PANK2: variants seen among roughly 807,000 people sequenced by gnomAD.
PANK2 encodes the protein pantothenate kinase 2, mitochondrial.
PANK2 carries 36 observed loss-of-function variants against 43.1 expected under a neutral mutation model. That is an observed-to-expected ratio of 0.84 (90% confidence interval 0.64 to 1.10). The LOEUF (loss-of-function observed/expected upper bound fraction) is 1.10. PANK2 is among the 50% of genes least tolerant of loss of function. The pLI, the probability that PANK2 is intolerant of heterozygous loss-of-function variation, is 0.00. For missense variants in PANK2, 576 were observed against 593.3 expected (o/e 0.97, Z 0.30); for synonymous variants, 281 against 238.2 (o/e 1.18, Z -1.66).
intron 1 of PANK2, among the ~76,000 whole-genome samples, chr20:3,897,503 C>T (rs1294259705): frequency 6.6e-6 from 1 of 151,732 alleles, no homozygotes; most frequent in African/African-American, 2.4e-5. Context: ...GAGTTTGAGA[C>T]CAGTCCGGGC....
At chr20:3,906,674 T>C (rs1290390971) in intron 1 of PANK2, among the ~76,000 whole-genome samples, 1 of 152,160 alleles carries the variant, frequency 6.6e-6, no homozygotes, top group African/African-American at 2.4e-5. Flanking sequence ...AAACAATAAA[T>C]ACTTGAAGTA....
At chr20:3,919,142 C>T (rs1458708761) in intron 6 of PANK2, among the ~76,000 whole-genome samples, 2 of 152,152 alleles carry the variant, frequency 1.3e-5, no homozygotes, top group Non-Finnish European at 2.9e-5. Flanking sequence ...AAACTCCTGA[C>T]CTTAAGTGAT....
At chr20:3,894,651 T>C (rs1439494035) in intron 1 of PANK2, among the ~76,000 whole-genome samples, 2 of 151,988 alleles carry the variant, frequency 1.3e-5, no homozygotes, top group Non-Finnish European at 2.9e-5. Flanking sequence ...GGATTTTGGC[T>C]CACTGCAACC....
At chr20:3,892,351 C>CAA (rs57494672) in intron 1 of PANK2, among the ~76,000 whole-genome samples, 4 of 132,462 alleles carry the variant, frequency 3.0e-5, no homozygotes, top group Non-Finnish European at 4.8e-5. Context: ...AAAAAAAAAA[C>CAA]AAAAAAAAAG....
At chr20:3,901,655 A>G in intron 1 of PANK2, 1 of 937,478 alleles carries the variant, frequency 1.1e-6, no homozygotes, top group Non-Finnish European at 1.3e-6. Flanking sequence ...TTTTTGTAAA[A>G]GTCAGTACTT....
Position 3,927,463 on chromosome 20 carries a change from TCTG to T in PANK2, c.*4174_*4176del, listed in dbSNP as rs984974521. 8 of 152,222 alleles carry T rather than the reference TCTG, an allele frequency of 5.3e-5. No individual in the cohort carries two copies. The highest frequency in any genetic ancestry group is 1.4e-4 in the African/African-American group (6 of 41,462). 9.4% of individuals were successfully genotyped at this position (152,222 alleles called of 1,614,324 possible). On this transcript the variant is annotated 3_prime_UTR_variant, in exon 7 of 7. Transcript: ENST00000610179. ...AAAAACTGCGAATGTTTAAAAATAT[TCTG>T]CTGCAGAATTTTTAGTGTACAAAGA...
intron 1 of PANK2, among the ~76,000 whole-genome samples, chr20:3,896,229 A>ATTTTTTTTTTTTTT (rs35978823): frequency 8.9e-6 from 1 of 111,934 alleles, no homozygotes; most frequent in East Asian, 2.6e-4. Flanking sequence ...CGCCTGGCTA[A>ATTTTTTTTTTTTTT]TTTTTTTTTT....
chr20:3,914,469 C>A (rs1386224194), intron 4 of PANK2, among the ~76,000 whole-genome samples: 1 of 151,894 alleles, frequency 6.6e-6, no homozygotes, highest in East Asian at 1.9e-4. Context: ...CTGTGCACTG[C>A]CTTGCCTAAT....
intron 1 of PANK2, among the ~76,000 whole-genome samples, chr20:3,893,619 A>C (rs2090157720): frequency 6.6e-6 from 1 of 152,206 alleles, no homozygotes; most frequent in African/African-American, 2.4e-5. Context: ...GTAGCATGCC[A>C]GGGAGACCTT....
At chr20:3,888,955 C>A, upstream of PANK2, 3 of 593,084 alleles carry the variant, frequency 5.1e-6, no homozygotes, top group South Asian at 2.7e-5. Context: ...CGGCCAGACG[C>A]TGCGGGAGCA....
chr20:3,911,118 A>C lies in PANK2; in HGVS notation c.905+288A>C, dbSNP rs537420353. On this transcript the variant is annotated intron_variant, in intron 3 of 6. Coordinates refer to ENST00000610179, the MANE Select transcript of PANK2 (RefSeq NM_001386393.1). ...GTGCATACACAAAGTAGCTAAAGTTATTAGGCAGCATCTGTAAGGAGAAGG... is the reference window on the plus strand; with the variant it reads ...GTGCATACACAAAGTAGCTAAAGTTCTTAGGCAGCATCTGTAAGGAGAAGG... Among the ~76,000 whole-genome samples the C allele has an allele frequency of 2.6e-5, 4 of 152,364 alleles. No homozygotes were observed. In the East Asian group the frequency reaches 7.7e-4, roughly 29 times the overall value.
intron 4 of PANK2, among the ~76,000 whole-genome samples, chr20:3,913,979 T>TG (rs953188046): frequency 2.8e-4 from 42 of 151,544 alleles, no homozygotes; most frequent in African/African-American, 1.0e-3. Flanking sequence ...TTAGCAGAGA[T>TG]GGGGTTTCAC....
At chr20:3,912,930 CAAA>C (rs71331078) in intron 4 of PANK2, among the ~76,000 whole-genome samples, 10 of 71,496 alleles carry the variant, frequency 1.4e-4, no homozygotes, top group East Asian at 5.3e-4. Context: ...GACTCTGTCT[CAAA>C]AAAAAAAAAA....
chr20:3,916,065 G>A (rs2090555077), intron 4 of PANK2, among the ~76,000 whole-genome samples: 1 of 152,208 alleles, frequency 6.6e-6, no homozygotes, highest in African/African-American at 2.4e-5. Flanking sequence ...CTAATACAAA[G>A]TCTTCTGATC....
At chr20:3,890,785 A>G (rs986749587) in intron 1 of PANK2, among the ~76,000 whole-genome samples, 1 of 152,158 alleles carries the variant, frequency 6.6e-6, no homozygotes, top group Admixed American at 6.5e-5. Context: ...ATGTAGTTCT[A>G]TTTTGCTGTG....
At chr20:3,908,807 G>A in intron 2 of PANK2, 1 of 169,846 alleles carries the variant, frequency 5.9e-6, no homozygotes, top group Non-Finnish European at 1.3e-5. Context: ...TGTGTTCTGT[G>A]CTGCACACTT....
intron 1 of PANK2, among the ~76,000 whole-genome samples, chr20:3,897,076 G>A (rs2090221332): frequency 6.6e-6 from 1 of 152,138 alleles, no homozygotes; most frequent in East Asian, 1.9e-4. Context: ...TGCATTGGAG[G>A]GCACCCAGCT....
At chr20:3,901,258 G>A (rs1261599586) in intron 1 of PANK2, among the ~76,000 whole-genome samples, 2 of 151,798 alleles carry the variant, frequency 1.3e-5, no homozygotes, top group Non-Finnish European at 2.9e-5. Flanking sequence ...TGTTGTCCAG[G>A]CTGGTCTCCC....
In PANK2 at chr20:3,910,967, G is replaced by C. The variant is rs938886803; in HGVS notation, c.905+137G>C. 3.6e-6 allele frequency: 4 copies of C among 1,118,124 alleles called. 1 individual carries two copies. In the African/African-American group the frequency reaches 6.3e-5, roughly 18 times the overall value. 69.3% of individuals were successfully genotyped at this position (1,118,124 alleles called of 1,614,324 possible). On this transcript the variant is annotated intron_variant, in intron 3 of 6. Coordinates refer to ENST00000610179, the MANE Select transcript of PANK2 (RefSeq NM_001386393.1). ...ATTATGCAAACAAATGTTTCTCTTT[G>C]AAAATTCTGATTTTATGACCTAGTT...
Sources: gnomAD v4.1 joint callset for allele counts (sites outside exome capture counted in the v4.1 genomes callset) on GRCh38, gnomAD v4.1.1 for gene constraint, MANE v1.5 for transcripts, NCBI Gene and HGNC (gene_info 2026-07-23, HGNC 2026-07-21) for gene names.